PRRT4: variants seen among roughly 807,000 people sequenced by gnomAD.
PRRT4 encodes the protein proline-rich transmembrane protein 4.
In PRRT4, 59 loss-of-function variants were observed where a neutral mutation model predicts 55.6. The ratio of observed to expected loss-of-function variants is 1.06; its 90% CI spans 0.86 to 1.32. PRRT4 has a LOEUF of 1.32. PRRT4 is among the 40% of genes most tolerant of loss of function. PRRT4 has a pLI of 0.00. For synonymous variants in PRRT4, 606 were observed against 601.8 expected (o/e 1.01, Z -0.10); for missense variants, 1,217 against 1,222.0 (o/e 1.00, Z 0.06).
At chr7:128,357,398 G>A (rs989986081) in intron 4 of PRRT4, among the ~76,000 whole-genome samples, 14 of 152,058 alleles carry the variant, frequency 9.2e-5, no homozygotes, top group East Asian at 3.9e-4. Flanking sequence ...AGGTGGGGCC[G>A]CCAGCCTGCC....
rs1227982519 is a variant in PRRT4 at position 128,358,727 on chromosome 7, G to A, written c.831C>T (p.Asp277=). 6.4e-7 allele frequency: 1 copy of A among 1,551,642 alleles called. No individual in the cohort carries two copies. The highest frequency in any genetic ancestry group is 8.7e-7 in the Non-Finnish European group (1 of 1,147,014). Residue 277 remains aspartate (D), a synonymous_variant, in exon 4 of 5, where the codon GAC becomes GAT. Transcript: ENST00000535159. The surrounding 1 kb of genome is among the most constrained non-coding windows in gnomAD (Gnocchi z 4.4). ...AGGCAAAACTTAGGGAAGCAGCTGG[G>A]TCCAGAGGACTTGGGCTGGAGAGCT...
At chr7:128,359,172 G>A (rs1317988767) in exon 3 of PRRT4, 1 of 1,551,748 alleles carries the variant, frequency 6.4e-7, no homozygotes, top group South Asian at 1.2e-5. Flanking sequence ...AACTCCAGAG[G>A]CAGAGCTTGT....
In PRRT4 at chr7:128,361,546, C is replaced by T. The variant is rs989511853; in HGVS notation, c.-73+15G>A. Reference sequence around the variant, plus strand: ...GAGCCGCCCCCGGCCCAGCCCCGGCCCGCAGCGCTCTCACCAGGCGGGCGG... The same window carrying T: ...GAGCCGCCCCCGGCCCAGCCCCGGCTCGCAGCGCTCTCACCAGGCGGGCGG... On this transcript the variant is annotated intron_variant, in intron 1 of 4. Coordinates refer to ENST00000535159, the Ensembl canonical transcript of PRRT4. The T allele has an allele frequency of 2.0e-5, 3 of 152,954 alleles. No individual in the cohort carries two copies. Among genetic ancestry groups the T allele is most frequent in the Non-Finnish European group, 4.4e-5 (3 of 68,146 alleles). 9.5% of individuals were successfully genotyped at this position (152,954 alleles called of 1,614,324 possible).
chr7:128,352,785 C>G lies in PRRT4; in HGVS notation c.878-107G>C, dbSNP rs1239001937. On this transcript the variant is annotated intron_variant, in intron 4 of 4. Coordinates refer to ENST00000535159, the Ensembl canonical transcript of PRRT4. ...TCAGAGTCCCCTACCGTATCCAGGACACACTTGTCTTACATATGAGACTCA... is the reference window on the plus strand; with the variant it reads ...TCAGAGTCCCCTACCGTATCCAGGAGACACTTGTCTTACATATGAGACTCA... 6.1e-6 allele frequency: 7 copies of G among 1,147,386 alleles called. No individual in the cohort carries two copies. In the African/African-American group the frequency reaches 1.1e-4, roughly 18 times the overall value. The allele number at this position is 1,147,386 out of a possible 1,614,324, so 71.1% of individuals were successfully genotyped here.
chr7:128,361,103 TCACA>T (rs71160634), intron 1 of PRRT4, among the ~76,000 whole-genome samples, 199 bp downstream of exon 2: 870 of 77,436 alleles, frequency 0.011, 6 homozygotes, highest in South Asian at 0.019. Context: ...TCTCTCTCTC[TCACA>T]CACACACACA....
exon 5 of PRRT4, chr7:128,352,022 G>A (rs1312736891): frequency 1.5e-6 from 2 of 1,309,096 alleles, no homozygotes; most frequent in African/African-American, 1.5e-5. Flanking sequence ...GCCAGCAGCA[G>A]CCCGGAAAGG....
chr7:128,354,041 C>T (rs147029414), intron 4 of PRRT4, among the ~76,000 whole-genome samples: 2 of 152,286 alleles, frequency 1.3e-5, no homozygotes, highest in South Asian at 2.1e-4. Context: ...TCAGCAGGAC[C>T]GCAGCCACAG....
intron 4 of PRRT4, among the ~76,000 whole-genome samples, chr7:128,357,539 T>C (rs1797141765): frequency 6.6e-6 from 1 of 151,960 alleles, no homozygotes; most frequent in Non-Finnish European, 1.5e-5. Flanking sequence ...CCCAATCACA[T>C]CCTGCCCCTG....
chr7:128,352,005 G>A, exon 5 of PRRT4: 1 of 1,317,340 alleles, frequency 7.6e-7, no homozygotes, highest in Non-Finnish European at 9.7e-7. Context: ...CGCCCCAGCA[G>A]GAGAGCGCCA....
exon 5 of PRRT4, chr7:128,350,943 G>C: frequency 3.9e-6 from 6 of 1,550,924 alleles, no homozygotes; most frequent in Non-Finnish European, 5.2e-6. Context: ...AGGCCTCCTC[G>C]GCCTGCAGCT....
At chr7:128,354,503 G>A (rs1419135030) in intron 4 of PRRT4, among the ~76,000 whole-genome samples, 1 of 152,076 alleles carries the variant, frequency 6.6e-6, no homozygotes, top group East Asian at 1.9e-4. Context: ...GGCGGAGGTT[G>A]CAGTAAGCAG....
chr7:128,351,025 G>A (rs1389299226), exon 5 of PRRT4: 5 of 1,549,814 alleles, frequency 3.2e-6, no homozygotes, highest in Non-Finnish European at 4.4e-6. Context: ...CGGGAGGCTG[G>A]GGCTGCTTCC....
rs1797212427 is a variant in PRRT4 at position 128,360,066 on chromosome 7, GGA to G, written c.-72-5_-72-4del. On this transcript the variant is annotated splice_polypyrimidine_tract_variant and splice_region_variant and intron_variant, in intron 1 of 4. Coordinates refer to ENST00000535159, the Ensembl canonical transcript of PRRT4. The stretch of plus-strand genomic sequence containing the variant: ...AGCAGCTTTTGAGGAGGAAGGTCCT[GGA>G]GAGAGGAGAGGCCCTGTGAGCCCTG... 1 of 1,181,906 alleles carries G rather than the reference GGA, an allele frequency of 8.5e-7. No individual in the cohort carries two copies. Among genetic ancestry groups the G allele is most frequent in the East Asian group, 3.1e-5 (1 of 32,004 alleles). 73.2% of individuals were successfully genotyped at this position (1,181,906 alleles called of 1,614,324 possible).
exon 5 of PRRT4, chr7:128,350,958 A>G: frequency 6.4e-7 from 1 of 1,550,800 alleles, no homozygotes; most frequent in East Asian, 2.4e-5. Context: ...GCAGCTCAGA[A>G]GCAGGCTCTG....
Position 128,352,561 on chromosome 7 carries a change from CG to C in PRRT4, c.994del (p.Arg332AlafsTer15), listed in dbSNP as rs1375952015. On this transcript the variant is annotated frameshift_variant, in exon 5 of 5. Coordinates refer to ENST00000535159, the Ensembl canonical transcript of PRRT4. LOFTEE classifies it high-confidence loss of function. Reference sequence around the variant, plus strand: ...CGGCGCCTCGGGAGGCTGCCCCTCGCGTTCAGGCAATTCTCCCACGCTGCAG... The same window carrying C: ...CGGCGCCTCGGGAGGCTGCCCCTCGCTTCAGGCAATTCTCCCACGCTGCAG... 1 of 1,544,742 alleles carries C rather than the reference CG, an allele frequency of 6.5e-7. No homozygotes were observed. Among genetic ancestry groups the C allele is most frequent in the Non-Finnish European group, 8.7e-7 (1 of 1,146,948 alleles).
At chr7:128,350,910 G>A in exon 5 of PRRT4, 1 of 1,550,816 alleles carries the variant, frequency 6.4e-7, no homozygotes, top group South Asian at 1.2e-5. Context: ...GTCGGCAGGC[G>A]TCCAGGAACT....
rs1273391124 is a variant in PRRT4, at chr7:128,357,234, A to T, written c.877+1447T>A. Among the ~76,000 whole-genome samples the T allele has an allele frequency of 6.6e-4, 81 of 122,220 alleles. 1 individual carries two copies. Among genetic ancestry groups the T allele is most frequent in the African/African-American group, 2.7e-3 (81 of 30,382 alleles). The allele number at this position is 122,220 out of a possible 152,430, so 80.2% of individuals were successfully genotyped here. A position where few individuals can be genotyped will look rare whatever the true frequency, so the allele number is the denominator to read the frequency against. On this transcript the variant is annotated intron_variant, in intron 4 of 4. Transcript: ENST00000535159. ...TACACACACACACACACACACACAC[A>T]CACTCTCTCTCTCTCTCTCTCTCTC...
At chr7:128,360,671 C>T (rs1396599093) in intron 1 of PRRT4, among the ~76,000 whole-genome samples, 1 of 152,150 alleles carries the variant, frequency 6.6e-6, no homozygotes, top group Non-Finnish European at 1.5e-5. Context: ...TCCCTCCCGC[C>T]CCTCCCGTTT....
At chr7:128,361,597 A>C (rs927233632) in exon 1 of PRRT4, 1 of 151,282 alleles carries the variant, frequency 6.6e-6, no homozygotes, top group Non-Finnish European at 1.5e-5. Flanking sequence ...CGCACTCCGC[A>C]CTCCGCGCTC....
Sources: allele counts gnomAD v4.1 joint callset (sites outside exome capture counted in the v4.1 genomes callset), GRCh38; gene constraint gnomAD v4.1.1; non-coding constraint Gnocchi (gnomAD v3.1); transcripts MANE v1.5; gene names NCBI Gene and HGNC (gene_info 2026-07-23, HGNC 2026-07-21).